KLHL29: variants seen among roughly 807,000 people sequenced by gnomAD.
KLHL29 encodes kelch like family member 29, also known as kelch-like protein 29.
A neutral mutation model predicts 80.4 loss-of-function variants in KLHL29; 21 were observed. That is an observed-to-expected ratio of 0.26 (90% CI 0.19 to 0.38). The LOEUF (loss-of-function observed/expected upper bound fraction) is 0.38, where lower values mean the gene tolerates loss of function less well. Among genes scored for constraint, KLHL29 ranks in the 10% least tolerant of loss-of-function variants. KLHL29 has a pLI of 1.00. For synonymous variants in KLHL29, 511 were observed against 526.8 expected (o/e 0.97, Z 0.41); for missense variants, 867 against 1,223.9 (o/e 0.71, Z 4.35).
chr2:23,650,965 A>G (rs1234540175), intron 5 of KLHL29, among the ~76,000 whole-genome samples: 1 of 152,194 alleles, frequency 6.6e-6, no homozygotes, highest in Non-Finnish European at 1.5e-5. Flanking sequence ...ACAAAACTGG[A>G]GAAAATGTGG....
At chr2:23,670,999 T>TCC (rs1205830192) in intron 5 of KLHL29, among the ~76,000 whole-genome samples, 1 of 26,706 alleles carries the variant, frequency 3.7e-5, no homozygotes, top group African/African-American at 2.6e-4. Flanking sequence ...CCTCCCTCCC[T>TCC]CCCCCCCCCC....
At chr2:23,400,000 A>T (rs1397106448) in intron 1 of KLHL29, among the ~76,000 whole-genome samples, 4 of 152,238 alleles carry the variant, frequency 2.6e-5, no homozygotes, top group African/African-American at 9.6e-5. Flanking sequence ...GAGACCGCTG[A>T]CAGTGAGTGA....
intron 1 of KLHL29, among the ~76,000 whole-genome samples, chr2:23,465,074 G>A (rs984762784): frequency 6.6e-6 from 1 of 152,158 alleles, no homozygotes; most frequent in Non-Finnish European, 1.5e-5. Flanking sequence ...CTGCACGGCC[G>A]ACAGATAGTA....
chr2:23,520,148 T>A (rs1464992733), intron 2 of KLHL29, among the ~76,000 whole-genome samples: 1 of 152,064 alleles, frequency 6.6e-6, no homozygotes, highest in African/African-American at 2.4e-5. Context: ...CTAGTCTCAT[T>A]GAAGGTGGTC....
chr2:23,448,467 C>T (rs1294453092), intron 1 of KLHL29, among the ~76,000 whole-genome samples: 1 of 152,124 alleles, frequency 6.6e-6, no homozygotes, highest in African/African-American at 2.4e-5. Context: ...ACCTCACCAG[C>T]TATTTAAGAA....
intron 5 of KLHL29, among the ~76,000 whole-genome samples, chr2:23,670,847 C>G (rs1314951124): frequency 1.3e-5 from 2 of 150,504 alleles, no homozygotes; most frequent in South Asian, 2.1e-4. Context: ...CTTCCAGGGT[C>G]TTCCTCCTGG....
Position 23,613,305 on chromosome 2 carries a change from A to G in KLHL29, c.286-25834A>G, listed in dbSNP as rs549951340. Among the ~76,000 whole-genome samples, 4 of 152,342 alleles carry G rather than the reference A, an allele frequency of 2.6e-5. No homozygotes were observed. In the South Asian group the frequency reaches 6.2e-4, roughly 24 times the overall value. ...AAATTTTAAATTCTCACTCTATGCT[A>G]TTTATAAAAAACACATTAAAAGAGA... On this transcript the variant is annotated intron_variant, in intron 3 of 13. Coordinates refer to ENST00000486442, the MANE Select transcript of KLHL29 (RefSeq NM_052920.2).
chr2:23,394,001 A>C (rs912802363), intron 1 of KLHL29, among the ~76,000 whole-genome samples: 2 of 152,086 alleles, frequency 1.3e-5, no homozygotes, highest in African/African-American at 4.8e-5. Context: ...AGCAAGTTGG[A>C]GGTGTGGGCG....
intron 5 of KLHL29, among the ~76,000 whole-genome samples, chr2:23,657,191 T>C (rs1670271172): frequency 6.6e-6 from 1 of 152,150 alleles, no homozygotes. Context: ...GAGAGCTTCC[T>C]GAGGAAGGTT....
At position 23,469,605 on chromosome 2, in the gene KLHL29, A is replaced by AT. The variant is rs558419242; in HGVS notation, c.-153-5946dup. Among the ~76,000 whole-genome samples, 10 of 151,926 alleles carry AT rather than the reference A, an allele frequency of 6.6e-5. No homozygotes were observed. In the South Asian group the frequency reaches 1.3e-3, roughly 19 times the overall value. ...GAGCAAAATCTGGAAGCAGTGTCTG[A>AT]TTTTTTTTTAAACTGGTTTATATTC... On this transcript the variant is annotated intron_variant, in intron 1 of 13. Transcript: ENST00000486442.
chr2:23,691,912 A>C, intron 7 of KLHL29, 36 bp downstream of exon 7: 1 of 1,536,952 alleles, frequency 6.5e-7, no homozygotes, highest in Non-Finnish European at 8.8e-7. Context: ...CTTGGGGGGA[A>C]GAGTGCAGAT....
chr2:23,626,956 G>A (rs762334757), intron 3 of KLHL29, among the ~76,000 whole-genome samples: 4 of 152,176 alleles, frequency 2.6e-5, no homozygotes, highest in South Asian at 2.1e-4. Context: ...AGTTGGCACC[G>A]TGGCTACCCA....
chr2:23,691,927 G>A (rs1245362114), intron 7 of KLHL29, 51 bp downstream of exon 7: 37 of 1,509,216 alleles, frequency 2.5e-5, no homozygotes, highest in East Asian at 1.7e-4. Flanking sequence ...GCAGATGGGC[G>A]GAGAACTCCA....
chr2:23,698,016 T>TTGA (rs1332493304), intron 11 of KLHL29: 2 of 152,230 alleles, frequency 1.3e-5, no homozygotes, highest in Non-Finnish European at 2.9e-5. Flanking sequence ...ACTTATACTG[T>TTGA]TGATAAATAT....
At chr2:23,454,041 A>C (rs1663967269) in intron 1 of KLHL29, among the ~76,000 whole-genome samples, 1 of 152,204 alleles carries the variant, frequency 6.6e-6, no homozygotes, top group African/African-American at 2.4e-5. Context: ...GCAAATGAGG[A>C]GGCCAGGTCT....
Position 23,682,393 on chromosome 2 carries a change from C to A in KLHL29, c.941-2006C>A, listed in dbSNP as rs1382359610. Among the ~76,000 whole-genome samples the A allele has an allele frequency of 3.3e-5, 5 of 152,182 alleles. No homozygotes were observed. Among genetic ancestry groups the A allele is most frequent in the Non-Finnish European group, 7.3e-5 (5 of 68,030 alleles). On this transcript the variant is annotated intron_variant, in intron 5 of 13. Transcript: ENST00000486442. This position sits in a 1 kb window ranked among gnomAD's most constrained non-coding sequence, Gnocchi z 4.1. ...AGGAGGCCCAGTGCAGGTTCACCCT[C>A]AGGTCTGGCTTCGAGGCTCAACTCT...
intron 2 of KLHL29, among the ~76,000 whole-genome samples, chr2:23,485,114 C>T (rs181751792): frequency 4.6e-5 from 7 of 152,280 alleles, no homozygotes; most frequent in Non-Finnish European, 8.8e-5. Context: ...TGAGGGCAGC[C>T]TGCAGAGCCA....
chr2:23,446,283 A>G (rs769268941), intron 1 of KLHL29, among the ~76,000 whole-genome samples: 58 of 151,912 alleles, frequency 3.8e-4, no homozygotes, highest in Non-Finnish European at 8.2e-4. Flanking sequence ...TTTCCCCCAA[A>G]GGTTTGAGAT....
intron 3 of KLHL29, among the ~76,000 whole-genome samples, chr2:23,564,584 C>G (rs1026986355): frequency 3.9e-5 from 6 of 152,198 alleles, no homozygotes; most frequent in African/African-American, 1.4e-4. Flanking sequence ...TCCCGAGCAC[C>G]CCTGGCAGAT....
Sources: gnomAD v4.1 joint callset for allele counts (sites outside exome capture counted in the v4.1 genomes callset) on GRCh38, gnomAD v4.1.1 for gene constraint, Gnocchi (gnomAD v3.1) non-coding constraint, MANE v1.5 for transcripts, NCBI Gene and HGNC (gene_info 2026-07-23, HGNC 2026-07-21) for gene names.